HES3: variants seen among roughly 807,000 people sequenced by gnomAD.
HES3 encodes the protein transcription factor HES-3.
A neutral mutation model predicts 8.0 loss-of-function variants in HES3; 6 were observed. The ratio of observed to expected loss-of-function variants is 0.75; its 90% CI spans 0.41 to 1.49. The LOEUF is 1.49. HES3 is among the 40% of genes most tolerant of loss of function. The pLI is 0.01. For synonymous variants in HES3, 121 were observed against 119.4 expected, an observed-to-expected ratio of 1.01 and a Z score of -0.09; for missense variants, 266 against 260.9, an observed-to-expected ratio of 1.02 and a Z score of -0.13.
chr1:6,245,051 C>CTCCCCT, intron 3 of HES3, 59 bp from the exon 4 acceptor site: 6 of 613,428 alleles, frequency 9.8e-6, no homozygotes, highest in South Asian at 9.3e-5. Flanking sequence ...CTCCCTCCCC[C>CTCCCCT]TCCCCTTCCC....
chr1:6,245,134 C>T lies in HES3; in HGVS notation c.188C>T (p.Ala63Val), dbSNP rs1236036986. The change falls in exon 4 of 4, where the codon GCC becomes GTC. Residue 63 changes from alanine to valine, a missense_variant. Coordinates refer to ENST00000377898, the MANE Select transcript of HES3 (RefSeq NM_001024598.4). ...LQGLWPVPRG[A>V]EQPSGFRSCL... ...GGGCTCTGGCCTGTGCCCAGGGGAG[C>T]CGAGCAACCGTCGGGCTTCCGCAGC... 1 of 1,528,092 alleles carries T rather than the reference C, an allele frequency of 6.5e-7. No homozygotes were observed. Among genetic ancestry groups the T allele is most frequent in the Admixed American group, 2.0e-5 (1 of 50,452 alleles). The allele number at this position is 1,528,092 out of a possible 1,614,324, so 94.7% of individuals were successfully genotyped here.
intron 3 of HES3, 112 bp downstream of exon 3, chr1:6,244,741 A>G: frequency 1.1e-6 from 1 of 949,220 alleles, no homozygotes; most frequent in Non-Finnish European, 1.7e-6. Flanking sequence ...CGGGCTTTTG[A>G]GACCAGCCTG....
rs1225502266 is a variant in HES3 at position 6,245,166 on chromosome 1, C to CGG, written c.220_221insGG (p.Pro74ArgfsTer4). On this transcript the variant is annotated frameshift_variant, in exon 4 of 4. Transcript: ENST00000377898. LOFTEE classifies it low-confidence loss of function (END_TRUNC). ...ACCGTCGGGCTTCCGCAGCTGCCTG[C>CGG]CCGGCGTGAGCCAGCTCCTTCGGCG... is the stretch of plus-strand genomic sequence containing the variant. 1 of 1,528,794 alleles carries CGG rather than the reference C, an allele frequency of 6.5e-7. No individual in the cohort carries two copies. Among genetic ancestry groups the CGG allele is most frequent in the Non-Finnish European group, 8.7e-7 (1 of 1,144,982 alleles). 94.7% of individuals were successfully genotyped at this position (1,528,794 alleles called of 1,614,324 possible).
Position 6,244,435 on chromosome 1 carries a change from T to A in HES3, c.70T>A (p.Tyr24Asn). The A allele has an allele frequency of 7.5e-7, 1 of 1,336,064 alleles. No homozygotes were observed. Among genetic ancestry groups the A allele is most frequent in the Non-Finnish European group, 1.0e-6 (1 of 986,386 alleles). The allele number at this position is 1,336,064 out of a possible 1,614,324, so 82.8% of individuals were successfully genotyped here. The change falls in exon 2 of 4, where the codon TAC (tyrosine) becomes AAC (asparagine). Residue 24 changes from tyrosine (Y) to asparagine (N), a missense_variant. Coordinates refer to ENST00000377898, the MANE Select transcript of HES3 (RefSeq NM_001024598.4). ...GCTCAAGTCGCTGCTGGAGAAACAC[T>A]ACTCGCACCAGGTGAGACTCAGGCG... is the stretch of plus-strand genomic sequence containing the variant. ...EQLKSLLEKH[Y>N]SHQIRKRKLE...
At chr1:6,245,011 T>TCCCCCCCCCCCCCCCCCCCCCCCC in intron 3 of HES3, 99 bp from the exon 4 acceptor site, 1 of 103,064 alleles carries the variant, frequency 9.7e-6, no homozygotes, top group South Asian at 1.1e-4. Context: ...CCTCCCTTCC[T>TCCCCCCCCCCCCCCCCCCCCCCCC]CCCCTCCCCT....
chr1:6,244,492 C>T, intron 2 of HES3, 46 bp downstream of exon 2: 1 of 1,612,664 alleles, frequency 6.2e-7, no homozygotes, highest in South Asian at 1.1e-5. Flanking sequence ...ACGATCCCAA[C>T]CTCCCTCTCT....
chr1:6,245,069 C>G, intron 3 of HES3, 41 bp from the exon 4 acceptor site: 1 of 1,234,262 alleles, frequency 8.1e-7, no homozygotes, highest in East Asian at 3.0e-5. Context: ...CCCCTTCCCT[C>G]TCTTCCCCTC....
At chr1:6,244,731 C>G in intron 3 of HES3, 102 bp downstream of exon 3, 1 of 1,086,468 alleles carries the variant, frequency 9.2e-7, no homozygotes. Flanking sequence ...CGCTTGACCC[C>G]GGGCTTTTGA....
Position 6,245,405 on chromosome 1 carries a change from C to A in HES3, c.459C>A (p.Ser153Arg). Reference protein sequence around the residue: ...LPESLPGSSASVPPPQPASSR... With the variant: ...LPESLPGSSARVPPPQPASSR... Reference sequence around the variant, plus strand: ...AAAGTCTCCCTGGCTCGTCCGCCAGCGTCCCCCCGCCGCAGCCAGCGTCGA... The same window carrying A: ...AAAGTCTCCCTGGCTCGTCCGCCAGAGTCCCCCCGCCGCAGCCAGCGTCGA... Residue 153 changes from serine to arginine, a missense_variant, in exon 4 of 4, where the codon AGC becomes AGA. Physicochemically the swap from Ser to Arg is moderately radical, Grantham distance 110. Transcript: ENST00000377898. The A allele has an allele frequency of 6.5e-7, 1 of 1,537,026 alleles. No homozygotes were observed. The highest frequency in any genetic ancestry group is 8.7e-7 in the Non-Finnish European group (1 of 1,151,058).
At chr1:6,244,291 G>T (rs1022783386) in intron 1 of HES3, 50 bp downstream of exon 1, 67 of 1,358,690 alleles carry the variant, frequency 4.9e-5, no homozygotes, top group East Asian at 3.0e-4. Flanking sequence ...CGGGAGGTGT[G>T]GGGGGGTGCC....
In HES3 at chr1:6,244,421, T is replaced by G; in HGVS notation, c.56T>G (p.Leu19Arg). The G allele has an allele frequency of 6.7e-7, 1 of 1,486,196 alleles. No individual in the cohort carries two copies. Among genetic ancestry groups the G allele is most frequent in the Non-Finnish European group, 9.0e-7 (1 of 1,109,044 alleles). The allele number at this position is 1,486,196 out of a possible 1,614,324, so 92.1% of individuals were successfully genotyped here. ...GTGTCACTGGAGCAGCTCAAGTCGC[T>G]GCTGGAGAAACACTACTCGCACCAG... ...INVSLEQLKSLLEKHYSHQIR... is the reference protein window; with the variant it reads ...INVSLEQLKSRLEKHYSHQIR... Residue 19 changes from leucine to arginine, a missense_variant, in exon 2 of 4, where the codon CTG becomes CGG. Physicochemically the swap from Leu to Arg is moderately radical, Grantham distance 102. Transcript: ENST00000377898.
rs1383047129 is a variant in HES3 at position 6,244,505 on chromosome 1, A to G, written c.82-43A>G. 3 of 1,613,468 alleles carry G rather than the reference A, an allele frequency of 1.9e-6. No individual in the cohort carries two copies. In the African/African-American group the frequency reaches 4.0e-5, roughly 22 times the overall value. On this transcript the variant is annotated intron_variant, in intron 2 of 3. Coordinates refer to ENST00000377898, the MANE Select transcript of HES3 (RefSeq NM_001024598.4). Reference sequence around the variant, plus strand: ...ATACGATCCCAACCTCCCTCTCTCCACCTCGGGAGGCCGGTCTAATAGACC... The same window carrying G: ...ATACGATCCCAACCTCCCTCTCTCCGCCTCGGGAGGCCGGTCTAATAGACC...
Position 6,244,197 on chromosome 1 carries a change from A to G in HES3, c.-60A>G. On this transcript the variant is annotated 5_prime_UTR_variant, in exon 1 of 4. Coordinates refer to ENST00000377898, the MANE Select transcript of HES3 (RefSeq NM_001024598.4). ...CTGGTGCATGGACTGCAACATGGGC[A>G]CGGAGCCTGCTGCCCGGGGCAGCCT... 1.6e-6 allele frequency: 1 copy of G among 637,930 alleles called. No individual in the cohort carries two copies. Among genetic ancestry groups the G allele is most frequent in the East Asian group, 2.7e-5 (1 of 36,754 alleles). The allele number at this position is 637,930 out of a possible 1,614,324, so 39.5% of individuals were successfully genotyped here. A position where few individuals can be genotyped will look rare whatever the true frequency, so the allele number is the denominator to read the frequency against.
rs781716588 is a variant in HES3, at chr1:6,244,379, G to T, written c.14G>T (p.Arg5Leu). 2 of 1,612,354 alleles carry T rather than the reference G, an allele frequency of 1.2e-6. No individual in the cohort carries two copies. Among genetic ancestry groups the T allele is most frequent in the African/African-American group, 1.3e-5 (1 of 74,752 alleles). Residue 5 changes from arginine (R) to leucine (L), a missense_variant, in exon 2 of 4, where the codon CGC becomes CTC. Arg to Leu is a moderately radical substitution (Grantham distance 102, BLOSUM62 -2). Coordinates refer to ENST00000377898, the MANE Select transcript of HES3 (RefSeq NM_001024598.4). Reference sequence around the variant, plus strand: ...TCCAAGCCGCTGATGGAGAAAAAGCGCCGGGCACGCATCAATGTGTCACTG... The same window carrying T: ...TCCAAGCCGCTGATGGAGAAAAAGCTCCGGGCACGCATCAATGTGTCACTG... MEKK[R>L]RARINVSLEQ...
chr1:6,244,865 G>A (rs1214204726), intron 3 of HES3, among the ~76,000 whole-genome samples: 1 of 152,088 alleles, frequency 6.6e-6, no homozygotes, highest in Non-Finnish European at 1.5e-5. Context: ...AGCCCGGGCT[G>A]GCTGTGCGAT....
chr1:6,244,335 G>T lies in HES3; in HGVS notation c.-15-16G>T. ...GAGGGTGGCAGTCCTGCACTCTAAA[G>T]GCTGTTCATCTGCAGATTTCCAAGC... On this transcript the variant is annotated splice_polypyrimidine_tract_variant and intron_variant, in intron 1 of 3. Coordinates refer to ENST00000377898, the MANE Select transcript of HES3 (RefSeq NM_001024598.4). 2 of 1,609,486 alleles carry T rather than the reference G, an allele frequency of 1.2e-6. No individual in the cohort carries two copies. The highest frequency in any genetic ancestry group is 1.7e-6 in the Non-Finnish European group (2 of 1,176,728).
chr1:6,245,008 TCCTC>T, intron 3 of HES3, 98 bp from the exon 4 acceptor site: 2 of 225,134 alleles, frequency 8.9e-6, no homozygotes, highest in South Asian at 8.1e-5. Flanking sequence ...CTCCCTCCCT[TCCTC>T]CCCTCCCCTC....
Position 6,245,376 on chromosome 1 carries a change from C to T in HES3, c.430C>T (p.Pro144Ser), listed in dbSNP as rs1397518996. The stretch of plus-strand genomic sequence containing the variant: ...GTCCCCACCACCCCTGCTCCTCCTC[C>T]CCGAAAGTCTCCCTGGCTCGTCCGC... ...PRSPPPLLLL[P>S]ESLPGSSASV... is the part of the protein sequence containing the mutation. Residue 144 changes from proline (P) to serine (S), a missense_variant, in exon 4 of 4, where the codon CCC (proline) becomes TCC (serine). By Grantham distance (74) the Pro-to-Ser change is moderately conservative (BLOSUM62 -1). Transcript: ENST00000377898. 1.6e-5 allele frequency: 24 copies of T among 1,518,322 alleles called. No homozygotes were observed. The highest frequency in any genetic ancestry group is 1.7e-4 in the Middle Eastern group (1 of 5,898). The allele number at this position is 1,518,322 out of a possible 1,614,324, so 94.1% of individuals were successfully genotyped here. A position where few individuals can be genotyped will look rare whatever the true frequency, so the allele number is the denominator to read the frequency against.
At chr1:6,244,826 C>T (rs1638267655) in intron 3 of HES3, among the ~76,000 whole-genome samples, 197 bp downstream of exon 3, 1 of 152,064 alleles carries the variant, frequency 6.6e-6, no homozygotes, top group Non-Finnish European at 1.5e-5. Context: ...GGGGCCCCAG[C>T]TCGCTAGGGG....
Sources: gnomAD v4.1 joint callset for allele counts (sites outside exome capture counted in the v4.1 genomes callset) on GRCh38, gnomAD v4.1.1 for gene constraint, MANE v1.5 for transcripts, NCBI Gene and HGNC (gene_info 2026-07-23, HGNC 2026-07-21) for gene names.